The following SOAT1 variants were observed in gnomAD, a reference collection of about 807,000 sequenced individuals.
The protein encoded by SOAT1 is acyl-coenzyme A:cholesterol acyltransferase 1.
In SOAT1, 55 loss-of-function variants were observed where a neutral mutation model predicts 69.5. That is an observed-to-expected ratio of 0.79 (90% confidence interval 0.64 to 0.99). The LOEUF (loss-of-function observed/expected upper bound fraction) is 0.99. Among genes scored for constraint, SOAT1 ranks in the 50% least tolerant of loss-of-function variants. The pLI is 0.00. For synonymous variants in SOAT1, 231 were observed against 224.7 expected (o/e 1.03, Z -0.25); for missense variants, 580 against 669.3 (o/e 0.87, Z 1.47).
At chr1:179,322,169 C>T (rs1250304462) in intron 2 of SOAT1, among the ~76,000 whole-genome samples, 1 of 152,094 alleles carries the variant, frequency 6.6e-6, no homozygotes, top group Non-Finnish European at 1.5e-5. Flanking sequence ...CAAGTGTGCA[C>T]CCCCACGCCC....
chr1:179,349,535 C>G (rs1666652898), intron 13 of SOAT1, among the ~76,000 whole-genome samples: 1 of 152,042 alleles, frequency 6.6e-6, no homozygotes, highest in South Asian at 2.1e-4. Context: ...CCATGTTGGT[C>G]AGGCTCATCT....
chr1:179,303,606 T>C (rs1388303312), intron 2 of SOAT1, among the ~76,000 whole-genome samples: 2 of 152,234 alleles, frequency 1.3e-5, no homozygotes, highest in African/African-American at 4.8e-5. Context: ...TACCTAAATT[T>C]AATTAAACTT....
Position 179,339,557 on chromosome 1 carries a change from A to G in SOAT1, c.497+12A>G, listed in dbSNP as rs1241370767. 6.4e-7 allele frequency: 1 copy of G among 1,554,342 alleles called. No individual in the cohort carries two copies. Among genetic ancestry groups the G allele is most frequent in the Non-Finnish European group, 8.8e-7 (1 of 1,135,742 alleles). Reference sequence around the variant, plus strand: ...ATTGATGAAGGAAGGTAAGACAACAAAAAAGATGGCTGGCTAGTTGATGCA... The same window carrying G: ...ATTGATGAAGGAAGGTAAGACAACAGAAAAGATGGCTGGCTAGTTGATGCA... On this transcript the variant is annotated intron_variant, in intron 6 of 15. Transcript: ENST00000367619.
chr1:179,314,896 C>A (rs905399372), intron 2 of SOAT1, among the ~76,000 whole-genome samples: 3 of 152,044 alleles, frequency 2.0e-5, no homozygotes, highest in Non-Finnish European at 4.4e-5. Context: ...ATAAGTATTG[C>A]AAGCCTGATT....
At chr1:179,322,661 A>G (rs1358693280) in intron 2 of SOAT1, among the ~76,000 whole-genome samples, 1 of 152,098 alleles carries the variant, frequency 6.6e-6, no homozygotes, top group African/African-American at 2.4e-5. Flanking sequence ...GAACATATTT[A>G]TCTCATATTT....
At chr1:179,341,726 G>C (rs112155921) in intron 7 of SOAT1, among the ~76,000 whole-genome samples, 1 of 151,844 alleles carries the variant, frequency 6.6e-6, no homozygotes, top group Non-Finnish European at 1.5e-5. Flanking sequence ...GTAGAGATGG[G>C]GTTTCACCAT....
At chr1:179,321,276 T>A (rs1256006623) in intron 2 of SOAT1, among the ~76,000 whole-genome samples, 1 of 152,206 alleles carries the variant, frequency 6.6e-6, no homozygotes, top group Non-Finnish European at 1.5e-5. Flanking sequence ...ATGGCATTTT[T>A]TTTTATTCTT....
chr1:179,309,816 T>C (rs1452474561), intron 2 of SOAT1, among the ~76,000 whole-genome samples: 4 of 152,188 alleles, frequency 2.6e-5, no homozygotes, highest in Non-Finnish European at 5.9e-5. Flanking sequence ...TATGTATGTG[T>C]GCTTTGCCAT....
intron 1 of SOAT1, among the ~76,000 whole-genome samples, chr1:179,295,581 TC>T (rs1193828921): frequency 2.0e-5 from 3 of 152,186 alleles, no homozygotes; most frequent in Non-Finnish European, 4.4e-5. Context: ...AATACAGTGA[TC>T]CCCACTTAAC....
chr1:179,324,520 G>T (rs916699561), intron 3 of SOAT1, among the ~76,000 whole-genome samples: 1 of 152,156 alleles, frequency 6.6e-6, no homozygotes, highest in Non-Finnish European at 1.5e-5. Flanking sequence ...TTATAAAGTG[G>T]TACTCAAAAG....
chr1:179,348,748 C>A, intron 12 of SOAT1, 96 bp from the exon 13 acceptor site: 1 of 676,528 alleles, frequency 1.5e-6, no homozygotes, highest in Non-Finnish European at 2.6e-6. Context: ...GGGGGGTTTG[C>A]TTTCGGGTGG....
In SOAT1 at chr1:179,325,107, T is replaced by G. The variant is rs555185849; in HGVS notation, c.177+1612T>G. Among the ~76,000 whole-genome samples, 9 of 148,510 alleles carry G rather than the reference T, an allele frequency of 6.1e-5. 1 individual carries two copies. In the South Asian group the frequency reaches 8.6e-4, roughly 14 times the overall value. ...GGGATTACCACACCCGGCTGGCACG[T>G]GCTAGTTTTAAACATCTATTCTTGC... On this transcript the variant is annotated intron_variant, in intron 3 of 15. Coordinates refer to ENST00000367619, the MANE Select transcript of SOAT1 (RefSeq NM_003101.6).
intron 12 of SOAT1, 52 bp from the exon 13 acceptor site, chr1:179,348,777 TGTGTGTGTGTGTGTG>T: frequency 4.4e-5 from 5 of 114,252 alleles, no homozygotes; most frequent in Admixed American, 1.7e-4. Flanking sequence ...TGTGTGTGTG[TGTGTGTGTGTGTGTG>T]TGTGTGTGTG....
chr1:179,334,946 C>G (rs538257225), intron 3 of SOAT1, among the ~76,000 whole-genome samples: 1 of 131,892 alleles, frequency 7.6e-6, no homozygotes, highest in Non-Finnish European at 1.5e-5. Flanking sequence ...ACCCAGGAGG[C>G]GGAGGTTGCG....
rs1666817692 is a variant in SOAT1 at position 179,353,485 on chromosome 1, A to G, written c.1597-100A>G. 3 of 1,013,666 alleles carry G rather than the reference A, an allele frequency of 3.0e-6. No individual in the cohort carries two copies. In the East Asian group the frequency reaches 7.2e-5, roughly 24 times the overall value. The allele number at this position is 1,013,666 out of a possible 1,614,324, so 62.8% of individuals were successfully genotyped here. On this transcript the variant is annotated intron_variant, in intron 15 of 15. Transcript: ENST00000367619. ...TTGTTGAAATGGTGGGAGGCATTTT[A>G]GAGATGTACAATGTATCATATTAAC...
intron 1 of SOAT1, among the ~76,000 whole-genome samples, chr1:179,294,559 G>C (rs1277438769): frequency 6.6e-6 from 1 of 152,240 alleles, no homozygotes; most frequent in Admixed American, 6.5e-5. Flanking sequence ...TTGAGACGGA[G>C]TCTCGCTGTG....
chr1:179,324,959 C>T (rs928793095), intron 3 of SOAT1, among the ~76,000 whole-genome samples: 3 of 150,314 alleles, frequency 2.0e-5, no homozygotes, highest in African/African-American at 7.4e-5. Context: ...CATGCCACCA[C>T]GCCTGGCTAA....
At chr1:179,323,571 A>G in intron 3 of SOAT1, 76 bp downstream of exon 3, 1 of 1,175,888 alleles carries the variant, frequency 8.5e-7, no homozygotes, top group Admixed American at 1.9e-5. Flanking sequence ...TTTTAATGCT[A>G]AATTGCTCAG....
At chr1:179,353,087 A>G (rs1666787380) in intron 15 of SOAT1, among the ~76,000 whole-genome samples, 1 of 141,788 alleles carries the variant, frequency 7.1e-6, no homozygotes, top group African/African-American at 2.6e-5. Flanking sequence ...TGTATATATT[A>G]GTCATTTATA....
Sources: allele counts gnomAD v4.1 joint callset (sites outside exome capture counted in the v4.1 genomes callset), GRCh38; gene constraint gnomAD v4.1.1; transcripts MANE v1.5; gene names NCBI Gene and HGNC (gene_info 2026-07-23, HGNC 2026-07-21).